Variants in MYOF observed in about 807,000 individuals in gnomAD.
MYOF encodes fer-1-like 3, myoferlin.
A neutral mutation model predicts 284.2 loss-of-function variants in MYOF; 244 were observed. The ratio of observed to expected loss-of-function variants is 0.86; its 90% CI spans 0.77 to 0.95. MYOF has a LOEUF of 0.95. MYOF is among the 40% of genes least tolerant of loss of function. MYOF has a pLI of 0.00. For synonymous variants in MYOF, 904 were observed against 919.7 expected, an observed-to-expected ratio of 0.98 and a Z score of 0.31; for missense variants, 2,496 against 2,560.6, an observed-to-expected ratio of 0.97 and a Z score of 0.54.
chr10:93,417,814 G>T (rs1023312976), intron 5 of MYOF, among the ~76,000 whole-genome samples: 2 of 152,022 alleles, frequency 1.3e-5, no homozygotes, highest in Non-Finnish European at 2.9e-5. Flanking sequence ...GATCCTCCTG[G>T]CTGGAACACA....
intron 37 of MYOF, among the ~76,000 whole-genome samples, chr10:93,344,782 G>A (rs975224932): frequency 2.6e-5 from 4 of 151,046 alleles, no homozygotes; most frequent in Non-Finnish European, 1.5e-5. Flanking sequence ...AGAAAAGCAG[G>A]GTGGATTGTT....
rs59509598 is a variant in MYOF at position 93,339,013 on chromosome 10, CT to C, written c.4339-1101del. 1.7e-3 allele frequency among the ~76,000 whole-genome samples: 218 copies of C among 131,372 alleles called. 1 individual carries two copies. Among genetic ancestry groups the C allele is most frequent in the Middle Eastern group, 8.3e-3 (2 of 240 alleles). 86.2% of individuals were successfully genotyped at this position (131,372 alleles called of 152,430 possible). On this transcript the variant is annotated intron_variant, in intron 39 of 53. Coordinates refer to ENST00000359263, the MANE Select transcript of MYOF (RefSeq NM_013451.4). ...GAAGAAGGGACAAGAAAGGCTACCA[CT>C]TTTTTTTTTTTTTTTTTGAGACGGA...
At chr10:93,317,470 C>A (rs1381263618) in intron 49 of MYOF, among the ~76,000 whole-genome samples, 1 of 151,962 alleles carries the variant, frequency 6.6e-6, no homozygotes, top group Non-Finnish European at 1.5e-5. Flanking sequence ...AACCCCGTCT[C>A]TACTAAAAAT....
intron 19 of MYOF, among the ~76,000 whole-genome samples, chr10:93,386,357 G>A (rs897857460): frequency 1.2e-4 from 19 of 152,116 alleles, no homozygotes; most frequent in African/African-American, 4.6e-4. Context: ...GTAATGTTGT[G>A]GAATAGAAAG....
intron 1 of MYOF, among the ~76,000 whole-genome samples, chr10:93,473,623 T>G (rs2057198403): frequency 6.6e-6 from 1 of 152,220 alleles, no homozygotes; most frequent in South Asian, 2.1e-4. Flanking sequence ...GGAGCTGACA[T>G]GATTCTGGCT....
At chr10:93,470,228 C>CAA (rs1284508641) in intron 1 of MYOF, among the ~76,000 whole-genome samples, 4,590 of 75,122 alleles carry the variant, frequency 0.061, 262 homozygotes, top group African/African-American at 0.19. Context: ...GACTCCATCT[C>CAA]AAAAAAAAAA....
intron 1 of MYOF, among the ~76,000 whole-genome samples, chr10:93,475,579 A>T (rs924430321): frequency 2.0e-5 from 3 of 152,194 alleles, no homozygotes; most frequent in Non-Finnish European, 2.9e-5. Context: ...AGCATCAAGG[A>T]CTTTGTCACA....
intron 49 of MYOF, 39 bp downstream of exon 49, chr10:93,319,833 C>T (rs1305315397): frequency 2.5e-6 from 4 of 1,612,816 alleles, no homozygotes; most frequent in Non-Finnish European, 3.4e-6. Context: ...AAGGAAGATC[C>T]ATGATACCCA....
At chr10:93,433,836 T>C (rs1848981172) in intron 3 of MYOF, among the ~76,000 whole-genome samples, 1 of 152,220 alleles carries the variant, frequency 6.6e-6, no homozygotes, top group African/African-American at 2.4e-5. Context: ...GCAGCAACTG[T>C]ATTATTCTCC....
chr10:93,353,618 C>T (rs1224560020), intron 32 of MYOF, among the ~76,000 whole-genome samples, 193 bp downstream of exon 32: 5 of 152,030 alleles, frequency 3.3e-5, no homozygotes, highest in Admixed American at 1.3e-4. Context: ...TTACTAGGAC[C>T]CAGCAATGGT....
At chr10:93,388,998 T>A in intron 18 of MYOF, 32 bp downstream of exon 18, 1 of 1,606,184 alleles carries the variant, frequency 6.2e-7, no homozygotes, top group Non-Finnish European at 8.5e-7. Context: ...TAACCAATGC[T>A]GATTAATAAC....
chr10:93,340,871 A>G (rs534769484), intron 38 of MYOF, among the ~76,000 whole-genome samples: 65 of 152,288 alleles, frequency 4.3e-4, no homozygotes, highest in African/African-American at 1.5e-3. Flanking sequence ...TTAGAGCATT[A>G]GCCAAGCTCG....
chr10:93,474,801 T>G, intron 1 of MYOF, among the ~76,000 whole-genome samples: 1 of 151,636 alleles, frequency 6.6e-6, no homozygotes, highest in South Asian at 2.1e-4. Flanking sequence ...GGCTGGAGTG[T>G]AATGGCGCCA....
At chr10:93,318,720 T>G (rs1842726915) in intron 49 of MYOF, among the ~76,000 whole-genome samples, 1 of 152,108 alleles carries the variant, frequency 6.6e-6, no homozygotes. Context: ...ATTGCACCAT[T>G]GCACTCCAGC....
At chr10:93,382,580 C>A (rs1846176654) in intron 19 of MYOF, among the ~76,000 whole-genome samples, 1 of 152,122 alleles carries the variant, frequency 6.6e-6, no homozygotes, top group Non-Finnish European at 1.5e-5. Flanking sequence ...ACATTGAGTG[C>A]CTATCAGCCT....
chr10:93,310,574 G>GAGATCTA lies in MYOF; in HGVS notation c.5958_5959insTAGATCT (p.Arg1987Ter). 1 of 1,613,698 alleles carries GAGATCTA rather than the reference G, an allele frequency of 6.2e-7. No individual in the cohort carries two copies. Among genetic ancestry groups the GAGATCTA allele is most frequent in the Non-Finnish European group, 8.5e-7 (1 of 1,179,844 alleles). On this transcript the variant is annotated stop_gained and frameshift_variant, in exon 52 of 54. Transcript: ENST00000359263. LOFTEE classifies it high-confidence loss of function. Reference sequence around the variant, plus strand: ...TTGGGGTTCATGTTGGGTTCGTCCCGCCCCTTCCCGGCTGGCCTCTCGTCG... The same window carrying GAGATCTA: ...TTGGGGTTCATGTTGGGTTCGTCCCGAGATCTACCCCTTCCCGGCTGGCCTCTCGTCG...
chr10:93,354,153 CT>C (rs1488020218), intron 31 of MYOF, among the ~76,000 whole-genome samples: 3 of 152,102 alleles, frequency 2.0e-5, no homozygotes, highest in Admixed American at 1.3e-4. Flanking sequence ...GGCAGGCAGA[CT>C]GTTTGAGGCC....
intron 1 of MYOF, among the ~76,000 whole-genome samples, chr10:93,480,600 C>T (rs140791737): frequency 0.047 from 7,182 of 151,208 alleles, 227 homozygotes; most frequent in Non-Finnish European, 0.071. Flanking sequence ...CTCAGCCTCC[C>T]GAGTAGCTGG....
chr10:93,459,416 G>T (rs1272428439), intron 1 of MYOF, among the ~76,000 whole-genome samples: 1 of 152,204 alleles, frequency 6.6e-6, no homozygotes, highest in African/African-American at 2.4e-5. Context: ...TTCTACCACA[G>T]TGTCTCTAAC....
Sources: gnomAD v4.1 joint callset for allele counts (sites outside exome capture counted in the v4.1 genomes callset) on GRCh38, gnomAD v4.1.1 for gene constraint, MANE v1.5 for transcripts, NCBI Gene and HGNC (gene_info 2026-07-23, HGNC 2026-07-21) for gene names.